The following INPP5A variants were observed in gnomAD, a reference collection of about 807,000 sequenced individuals.
The protein encoded by INPP5A is inositol polyphosphate-5-phosphatase A.
INPP5A carries 14 observed loss-of-function variants against 65.2 expected under a neutral mutation model. The observed-to-expected ratio is 0.21, with a 90% CI of 0.14 to 0.34. The LOEUF (loss-of-function observed/expected upper bound fraction) is 0.34. Ranked by LOEUF, INPP5A falls within the 10% of genes least tolerant of loss-of-function variation. INPP5A has a pLI of 1.00. For missense variants in INPP5A, 431 were observed against 545.6 expected, an observed-to-expected ratio of 0.79 and a Z score of 2.09; for synonymous variants, 207 against 208.3, an observed-to-expected ratio of 0.99 and a Z score of 0.05.
rs1449238558 is a variant in INPP5A at position 132,647,632 on chromosome 10, C to T, written c.218+1664C>T. Among the ~76,000 whole-genome samples, 3 of 152,106 alleles carry T rather than the reference C, an allele frequency of 2.0e-5. No individual in the cohort carries two copies. The East Asian group carries it at 5.8e-4, about 29-fold the overall frequency. On this transcript the variant is annotated intron_variant, in intron 3 of 15. Transcript: ENST00000368594. ...CGCAGGCCCGGAGAGGAGAGCGGAT[C>T]GAGGCAGGTGCGCAGCCCAGAGAGT...
In INPP5A at chr10:132,608,088, G is replaced by A. The variant is rs138199704; in HGVS notation, c.117+132G>A. On this transcript the variant is annotated intron_variant, in intron 2 of 15. Transcript: ENST00000368594. ...GGCCTGGGCTGTGGCTGGGTCTCTC[G>A]GCTCCGCTGCCTGTGCTGGGCAACA... The A allele has an allele frequency of 2.5e-3, 1,921 of 783,378 alleles. 11 individuals are homozygous for A. The highest frequency in any genetic ancestry group is 6.8e-3 in the South Asian group (468 of 68,610). 48.5% of individuals were successfully genotyped at this position (783,378 alleles called of 1,614,324 possible).
intron 1 of INPP5A, among the ~76,000 whole-genome samples, chr10:132,569,479 C>T (rs1333191853): frequency 2.0e-5 from 3 of 152,236 alleles, no homozygotes; most frequent in Middle Eastern, 3.4e-3. Flanking sequence ...AACTCAGCCC[C>T]CTGAGTAGCT....
chr10:132,664,211 G>C (rs1385592217), intron 4 of INPP5A, among the ~76,000 whole-genome samples: 2 of 152,210 alleles, frequency 1.3e-5, no homozygotes, highest in Non-Finnish European at 2.9e-5. Context: ...TTTCTTTCCT[G>C]TGCAAATTCT....
chr10:132,663,152 TGTGA>T lies in INPP5A; in HGVS notation c.306+12650_306+12653del, dbSNP rs770270741. Among the ~76,000 whole-genome samples, 3 of 152,066 alleles carry T rather than the reference TGTGA, an allele frequency of 2.0e-5. No individual in the cohort carries two copies. The highest frequency in any genetic ancestry group is 4.4e-5 in the Non-Finnish European group (3 of 68,014). On this transcript the variant is annotated intron_variant, in intron 4 of 15. Transcript: ENST00000368594. The surrounding 1 kb of genome is among the most constrained non-coding windows in gnomAD (Gnocchi z 4.5). ...CACGCCGCAGGACATAACGGCAGAG[TGTGA>T]GTAATTTTCCATTTTATATACACAT...
At chr10:132,684,746 G>C (rs1029349987) in intron 4 of INPP5A, among the ~76,000 whole-genome samples, 6 of 152,244 alleles carry the variant, frequency 3.9e-5, no homozygotes, top group Non-Finnish European at 8.8e-5. Flanking sequence ...TGGCCTCTCC[G>C]TGATGTCCTT....
intron 11 of INPP5A, among the ~76,000 whole-genome samples, chr10:132,764,629 C>T (rs1040227988): frequency 3.4e-5 from 4 of 118,770 alleles, no homozygotes; most frequent in Non-Finnish European, 6.8e-5. Context: ...CACTCAGGAA[C>T]ACGGGCCAGT....
chr10:132,768,463 C>T (rs1413669157), intron 12 of INPP5A, among the ~76,000 whole-genome samples: 1 of 152,262 alleles, frequency 6.6e-6, no homozygotes, highest in Admixed American at 6.5e-5. Context: ...TCCTCTTCGG[C>T]ATTTGGCTGG....
At chr10:132,589,192 A>G (rs2071586604) in intron 1 of INPP5A, among the ~76,000 whole-genome samples, 2 of 152,206 alleles carry the variant, frequency 1.3e-5, no homozygotes, top group Admixed American at 6.5e-5. Context: ...TCTGAAGCCC[A>G]CTAGTCCTTC....
intron 4 of INPP5A, among the ~76,000 whole-genome samples, chr10:132,686,050 T>G (rs576717143): frequency 2.9e-4 from 44 of 152,326 alleles, no homozygotes; most frequent in African/African-American, 1.0e-3. Flanking sequence ...AGCCTGATGG[T>G]GGTGACTGGG....
rs1845928436 is a variant in INPP5A, at chr10:132,723,557, GTGTGGGGATTGGCCATGTGGGGATTGGCC to G, written c.648-3263_648-3235del. 9.4e-5 allele frequency among the ~76,000 whole-genome samples: 12 copies of G among 127,390 alleles called. 1 individual carries two copies. The highest frequency in any genetic ancestry group is 4.0e-4 in the African/African-American group (12 of 29,874). The allele number at this position is 127,390 out of a possible 152,430, so 83.6% of individuals were successfully genotyped here. Reference sequence around the variant, plus strand: ...GGGATTGGCCGTGTGGGGATTGGCCGTGTGGGGATTGGCCATGTGGGGATTGGCCGTGTGGGGATTGGTTTTGTGGGGAT... The same window carrying G: ...GGGATTGGCCGTGTGGGGATTGGCCGGTGTGGGGATTGGTTTTGTGGGGAT... On this transcript the variant is annotated intron_variant, in intron 8 of 15. Coordinates refer to ENST00000368594, the MANE Select transcript of INPP5A (RefSeq NM_005539.5).
intron 1 of INPP5A, among the ~76,000 whole-genome samples, chr10:132,568,253 G>C (rs1453954492): frequency 6.6e-6 from 1 of 151,516 alleles, no homozygotes; most frequent in East Asian, 1.9e-4. Flanking sequence ...TGTTCACCTG[G>C]TACCACCTGT....
At chr10:132,662,750 C>A (rs2072752685) in intron 4 of INPP5A, among the ~76,000 whole-genome samples, 1 of 152,160 alleles carries the variant, frequency 6.6e-6, no homozygotes, top group Non-Finnish European at 1.5e-5. Context: ...CGCACTCCAG[C>A]CTGGCCGCTC....
intron 1 of INPP5A, among the ~76,000 whole-genome samples, chr10:132,557,981 G>A (rs1021002293): frequency 6.6e-6 from 1 of 152,218 alleles, no homozygotes; most frequent in African/African-American, 2.4e-5. Context: ...CTTCCCAGTG[G>A]ACCTGGGGGC....
intron 4 of INPP5A, among the ~76,000 whole-genome samples, chr10:132,689,781 A>G (rs1194200350): frequency 3.3e-5 from 5 of 152,240 alleles, no homozygotes; most frequent in South Asian, 2.1e-4. Context: ...CCAGCCGCGT[A>G]CTTTTGCCTT....
chr10:132,778,302 ATTTTTTTTT>A (rs57172206), intron 13 of INPP5A, among the ~76,000 whole-genome samples: 1 of 72,960 alleles, frequency 1.4e-5, no homozygotes, highest in Non-Finnish European at 2.3e-5. Context: ...TTTAATAATA[ATTTTTTTTT>A]TTTTTTTTTT....
chr10:132,600,879 C>G (rs1221113338), intron 1 of INPP5A, among the ~76,000 whole-genome samples: 3 of 152,214 alleles, frequency 2.0e-5, no homozygotes, highest in African/African-American at 7.2e-5. Context: ...ATGGGAAAGA[C>G]TGGCCCCCAT....
At chr10:132,611,561 T>G (rs1273908855) in intron 2 of INPP5A, among the ~76,000 whole-genome samples, 7 of 55,478 alleles carry the variant, frequency 1.3e-4, no homozygotes, top group African/African-American at 2.2e-4. Flanking sequence ...GGAGGTGAGG[T>G]GGGAAGGGGA....
At chr10:132,677,302 C>T (rs1320083304) in intron 4 of INPP5A, among the ~76,000 whole-genome samples, 4 of 152,250 alleles carry the variant, frequency 2.6e-5, no homozygotes, top group African/African-American at 7.2e-5. Flanking sequence ...CACTGGGGCT[C>T]CTCTGTCATG....
intron 2 of INPP5A, among the ~76,000 whole-genome samples, chr10:132,629,225 C>A (rs2072233065): frequency 6.6e-6 from 1 of 152,200 alleles, no homozygotes; most frequent in South Asian, 2.1e-4. Flanking sequence ...GCAGTGGCCT[C>A]AAACTTGCTC....
Sources: allele counts gnomAD v4.1 joint callset (sites outside exome capture counted in the v4.1 genomes callset), GRCh38; gene constraint gnomAD v4.1.1; non-coding constraint Gnocchi (gnomAD v3.1); transcripts MANE v1.5; gene names NCBI Gene and HGNC (gene_info 2026-07-23, HGNC 2026-07-21).